The following LNX1 variants were observed in gnomAD, a reference collection of about 807,000 sequenced individuals.
The protein encoded by LNX1 is ligand of numb-protein X 1.
A neutral mutation model predicts 68.4 loss-of-function variants in LNX1; 54 were observed. That is an observed-to-expected ratio of 0.79 (90% CI 0.63 to 0.99). The LOEUF is 0.99. Ranked by LOEUF, LNX1 falls within the 50% of genes least tolerant of loss-of-function variation. The pLI is 0.00. For synonymous variants in LNX1, 336 were observed against 350.0 expected, an observed-to-expected ratio of 0.96 and a Z score of 0.45; for missense variants, 906 against 926.4, an observed-to-expected ratio of 0.98 and a Z score of 0.29.
At chr4:53,619,502 C>A (rs574419311), upstream of LNX1, among the ~76,000 whole-genome samples, 25 of 152,216 alleles carry the variant, frequency 1.6e-4, no homozygotes, top group South Asian at 5.2e-3. Flanking sequence ...AAGTTTCATG[C>A]GTGTTGGGTC....
upstream of LNX1, among the ~76,000 whole-genome samples, chr4:53,621,057 T>C (rs966892847): frequency 6.6e-6 from 1 of 152,164 alleles, no homozygotes; most frequent in Admixed American, 6.5e-5. Flanking sequence ...CACCTTCACC[T>C]CCCAGGGAGC....
intron 2 of LNX1, among the ~76,000 whole-genome samples, chr4:53,564,792 C>G (rs553471654): frequency 1.3e-5 from 2 of 152,288 alleles, no homozygotes; most frequent in South Asian, 2.1e-4. Flanking sequence ...TGCGCGCACC[C>G]TGCGCCAGCC....
intron 1 of LNX1, among the ~76,000 whole-genome samples, chr4:53,647,485 C>T (rs1461486366): frequency 6.6e-6 from 1 of 151,712 alleles, no homozygotes; most frequent in Non-Finnish European, 1.5e-5. Flanking sequence ...AATTTCTAAC[C>T]AAGAGATATT....
chr4:53,569,088 C>T (rs1422018524), intron 2 of LNX1, among the ~76,000 whole-genome samples: 2 of 151,640 alleles, frequency 1.3e-5, no homozygotes, highest in South Asian at 2.1e-4. Flanking sequence ...CCATACTGCC[C>T]AAGGTAATTT....
chr4:53,463,786 T>C (rs558147598), intron 9 of LNX1, among the ~76,000 whole-genome samples: 25 of 152,198 alleles, frequency 1.6e-4, no homozygotes, highest in Non-Finnish European at 3.2e-4. Context: ...TTAATAAGTA[T>C]GCTGAAGTCT....
intron 2 of LNX1, among the ~76,000 whole-genome samples, chr4:53,528,097 G>A (rs1410710487): frequency 6.6e-6 from 1 of 152,126 alleles, no homozygotes; most frequent in African/African-American, 2.4e-5. Context: ...GTAATAACAC[G>A]TGCAGGTTGT....
upstream of LNX1, among the ~76,000 whole-genome samples, chr4:53,595,828 C>A (rs532030587): frequency 2.4e-4 from 36 of 152,270 alleles, no homozygotes; most frequent in Admixed American, 4.6e-4. Context: ...GAAGACCATG[C>A]CTTGTGATTC....
chr4:53,509,667 G>T (rs1186645242), intron 2 of LNX1, among the ~76,000 whole-genome samples: 1 of 152,138 alleles, frequency 6.6e-6, no homozygotes, highest in Non-Finnish European at 1.5e-5. Flanking sequence ...AGTCGTCATG[G>T]TATCTACATG....
chr4:53,537,557 T>C (rs1430500333), intron 2 of LNX1, among the ~76,000 whole-genome samples: 1 of 152,206 alleles, frequency 6.6e-6, no homozygotes, highest in Non-Finnish European at 1.5e-5. Flanking sequence ...TTTATGTTCC[T>C]TTAGTATTTT....
intron 2 of LNX1, among the ~76,000 whole-genome samples, chr4:53,526,709 C>T (rs1053869858): frequency 2.0e-5 from 3 of 151,860 alleles, no homozygotes; most frequent in Non-Finnish European, 1.5e-5. Context: ...TTAAAGGCAT[C>T]TTTTAAGAGC....
intron 2 of LNX1, among the ~76,000 whole-genome samples, chr4:53,511,460 G>T (rs1726334025): frequency 6.6e-6 from 1 of 152,156 alleles, no homozygotes. Context: ...ATGGTGATGG[G>T]TGATGGCCAT....
At chr4:53,492,351 T>C (rs1218087261) in intron 6 of LNX1, among the ~76,000 whole-genome samples, 1 of 151,768 alleles carries the variant, frequency 6.6e-6, no homozygotes, top group Non-Finnish European at 1.5e-5. Context: ...AAGAAGGCAA[T>C]GGGGCACATG....
chr4:53,528,725 A>G (rs778654374), intron 2 of LNX1, among the ~76,000 whole-genome samples: 4 of 152,136 alleles, frequency 2.6e-5, no homozygotes, highest in Non-Finnish European at 5.9e-5. Context: ...GTGAGAACAG[A>G]TAATTGACCA....
At chr4:53,487,064 C>T (rs1405039059) in intron 6 of LNX1, among the ~76,000 whole-genome samples, 2 of 152,164 alleles carry the variant, frequency 1.3e-5, no homozygotes, top group African/African-American at 4.8e-5. Flanking sequence ...CTTTCTCTTC[C>T]AAAATCCACT....
At chr4:53,643,233 C>G (rs1214943394) in intron 1 of LNX1, among the ~76,000 whole-genome samples, 3 of 152,108 alleles carry the variant, frequency 2.0e-5, no homozygotes, top group Non-Finnish European at 2.9e-5. Flanking sequence ...TCACTGCAGC[C>G]TCAAATTCCC....
intron 4 of LNX1, among the ~76,000 whole-genome samples, 192 bp from the exon 5 acceptor site, chr4:53,499,035 T>A (rs1725283103): frequency 6.6e-6 from 1 of 152,186 alleles, no homozygotes; most frequent in Non-Finnish European, 1.5e-5. Context: ...TTAAACCCAA[T>A]TTTTCCTTCA....
rs867917590 is a variant in LNX1 at position 53,478,826 on chromosome 4, A to G, written c.1486-84T>C. The G allele has an allele frequency of 5.7e-5, 76 of 1,335,344 alleles. 1 individual carries two copies. In the African/African-American group the frequency reaches 9.8e-4, roughly 17 times the overall value. The allele number at this position is 1,335,344 out of a possible 1,614,324, so 82.7% of individuals were successfully genotyped here. ...TGTAGAAAATGCAAAGTGGGTTTCC[A>G]TTTTCTAAATGCAAAAATTACCAAA... On this transcript the variant is annotated intron_variant, in intron 7 of 10. Transcript: ENST00000263925.
At chr4:53,559,752 AT>A (rs1414639889) in intron 2 of LNX1, among the ~76,000 whole-genome samples, 3 of 151,830 alleles carry the variant, frequency 2.0e-5, no homozygotes, top group African/African-American at 7.3e-5. Context: ...GGCTCAAGCA[AT>A]CCTCCTGCCT....
chr4:53,606,288 G>T (rs1277919788), intron 2 of LNX1, among the ~76,000 whole-genome samples: 2 of 152,076 alleles, frequency 1.3e-5, no homozygotes, highest in Non-Finnish European at 2.9e-5. Flanking sequence ...AAAACCCTCA[G>T]AAATTATTAT....
Sources: allele counts gnomAD v4.1 joint callset (sites outside exome capture counted in the v4.1 genomes callset), GRCh38; gene constraint gnomAD v4.1.1; transcripts MANE v1.5; gene names NCBI Gene and HGNC (gene_info 2026-07-23, HGNC 2026-07-21).